The following KIF14 variants were observed in gnomAD, a reference collection of about 807,000 sequenced individuals.
KIF14 encodes kinesin family member 14.
KIF14 carries 98 observed loss-of-function variants against 176.2 expected under a neutral mutation model. The observed-to-expected ratio is 0.56, with a 90% confidence interval of 0.47 to 0.66. The LOEUF is 0.66. Among genes scored for constraint, KIF14 ranks in the 30% least tolerant of loss-of-function variants. The pLI is 0.00. For missense variants in KIF14, 1,751 were observed against 1,920.4 expected, an observed-to-expected ratio of 0.91 and a Z score of 1.65; for synonymous variants, 566 against 632.2, an observed-to-expected ratio of 0.90 and a Z score of 1.57.
chr1:200,588,885 G>A (rs112207400), intron 18 of KIF14, among the ~76,000 whole-genome samples: 5 of 152,198 alleles, frequency 3.3e-5, no homozygotes, highest in Non-Finnish European at 7.3e-5. Context: ...CAGTGTAAGA[G>A]CTGTGCCTTT....
At chr1:200,586,057 T>A in intron 19 of KIF14, 44 bp downstream of exon 19, 3 of 1,331,764 alleles carry the variant, frequency 2.3e-6, no homozygotes, top group Non-Finnish European at 2.0e-6. Context: ...ACATATAACA[T>A]GCATAATTTT....
Position 200,565,112 on chromosome 1 carries a change from T to C in KIF14, c.4028A>G (p.Gln1343Arg). ...GTAGCCTCCCAGTTTTTTAACTTCTTGTCTCAACTCATCCTCAAGTCTTGC... is the reference window on the plus strand; with the variant it reads ...GTAGCCTCCCAGTTTTTTAACTTCTCGTCTCAACTCATCCTCAAGTCTTGC... ...NIARLEDELRQEVKKLGGYLQ... is the reference protein window; with the variant it reads ...NIARLEDELRREVKKLGGYLQ... Residue 1343 changes from glutamine to arginine, a missense_variant, in exon 25 of 30, where the codon CAA becomes CGA. Coordinates refer to ENST00000367350, the MANE Select transcript of KIF14 (RefSeq NM_014875.3). 6.2e-7 allele frequency: 1 copy of C among 1,612,946 alleles called. No homozygotes were observed. The highest frequency in any genetic ancestry group is 8.5e-7 in the Non-Finnish European group (1 of 1,179,656).
chr1:200,605,259 A>G (rs1468235117), intron 8 of KIF14, 24 bp downstream of exon 8: 1 of 1,574,326 alleles, frequency 6.4e-7, no homozygotes, highest in Non-Finnish European at 8.7e-7. Context: ...ACTGAAAGAG[A>G]TCGGGAACTT....
intron 16 of KIF14, among the ~76,000 whole-genome samples, chr1:200,591,371 C>CT (rs1284928072): frequency 1.3e-5 from 2 of 152,160 alleles, no homozygotes; most frequent in African/African-American, 4.8e-5. Flanking sequence ...AGGTTTTAAG[C>CT]TTGCTCTATC....
rs1401867693 is a variant in KIF14 at position 200,603,187 on chromosome 1, A to G, written c.1979+39T>C. On this transcript the variant is annotated intron_variant, in intron 10 of 29. Transcript: ENST00000367350. ...CATTCTTTTCCCCATAGTATTCACT[A>G]TATTTTATACAATTCTTTATACTTC... The G allele has an allele frequency of 2.5e-6, 3 of 1,202,518 alleles. No individual in the cohort carries two copies. In the South Asian group the frequency reaches 3.9e-5, roughly 16 times the overall value. 74.5% of individuals were successfully genotyped at this position (1,202,518 alleles called of 1,614,324 possible). A position where few individuals can be genotyped will look rare whatever the true frequency, so the allele number is the denominator to read the frequency against.
At position 200,575,707 on chromosome 1, in the gene KIF14, T is replaced by C. The variant is rs200131140; in HGVS notation, c.3466-16A>G. The C allele has an allele frequency of 7.6e-5, 105 of 1,375,846 alleles. No homozygotes were observed. The East Asian group carries it at 2.0e-3, about 27-fold the overall frequency. The allele number at this position is 1,375,846 out of a possible 1,614,324, so 85.2% of individuals were successfully genotyped here. ...TACCATTACTCTAAGAAAAATATAA[T>C]ATATAGTTTCAGTAAATTTGGGGTG... On this transcript the variant is annotated splice_polypyrimidine_tract_variant and intron_variant, in intron 21 of 29. Coordinates refer to ENST00000367350, the MANE Select transcript of KIF14 (RefSeq NM_014875.3).
intron 14 of KIF14, among the ~76,000 whole-genome samples, chr1:200,597,729 G>C (rs1659423945): frequency 6.6e-6 from 1 of 152,114 alleles, no homozygotes; most frequent in Admixed American, 6.5e-5. Flanking sequence ...CTTTATAAGA[G>C]ATAAACTCAT....
At chr1:200,578,705 T>C (rs560443894) in intron 21 of KIF14, among the ~76,000 whole-genome samples, 6 of 152,124 alleles carry the variant, frequency 3.9e-5, no homozygotes, top group African/African-American at 1.4e-4. Flanking sequence ...AAAAAGATGA[T>C]ATAATCAGGA....
intron 18 of KIF14, among the ~76,000 whole-genome samples, chr1:200,588,868 T>A (rs187603183): frequency 6.6e-6 from 1 of 152,370 alleles, no homozygotes; most frequent in East Asian, 1.9e-4. Context: ...GACATCAGGA[T>A]GTGACCCAGT....
chr1:200,562,140 T>G (rs1157419361), intron 25 of KIF14, among the ~76,000 whole-genome samples: 1 of 152,214 alleles, frequency 6.6e-6, no homozygotes, highest in African/African-American at 2.4e-5. Flanking sequence ...CAAACCATAC[T>G]TAGTAGAAAG....
Position 200,589,671 on chromosome 1 carries a change from C to CTTTTTTTTTT in KIF14, c.2962-312_2962-303dup, listed in dbSNP as rs1204882989. 5.0e-4 allele frequency among the ~76,000 whole-genome samples: 38 copies of CTTTTTTTTTT among 76,562 alleles called. 1 individual carries two copies. Among genetic ancestry groups the CTTTTTTTTTT allele is most frequent in the South Asian group, 1.0e-3 (2 of 2,002 alleles). The allele number at this position is 76,562 out of a possible 152,430, so 50.2% of individuals were successfully genotyped here. A position where few individuals can be genotyped will look rare whatever the true frequency, so the allele number is the denominator to read the frequency against. On this transcript the variant is annotated intron_variant, in intron 17 of 29. Coordinates refer to ENST00000367350, the MANE Select transcript of KIF14 (RefSeq NM_014875.3). ...GTCTATTATCGCCACCAACTTTTTT[C>CTTTTTTTTTT]TTTTTTTTTTTTTTTTTTTTTTTTT...
At chr1:200,614,293 G>A in intron 4 of KIF14, 25 bp downstream of exon 4, 1 of 1,258,152 alleles carries the variant, frequency 7.9e-7, no homozygotes, top group Non-Finnish European at 1.2e-6. Flanking sequence ...CTGAAAAGAA[G>A]CTTGCAGGTA....
At chr1:200,560,975 A>C in intron 25 of KIF14, 95 bp from the exon 26 acceptor site, 1 of 1,175,562 alleles carries the variant, frequency 8.5e-7, no homozygotes, top group Non-Finnish European at 1.2e-6. Context: ...TCACGCCTGT[A>C]ATTCCAGCAG....
chr1:200,576,650 A>G (rs989139903), intron 21 of KIF14, among the ~76,000 whole-genome samples: 1 of 152,214 alleles, frequency 6.6e-6, no homozygotes, highest in African/African-American at 2.4e-5. Context: ...TTATTAATAC[A>G]TATAAACACA....
intron 18 of KIF14, among the ~76,000 whole-genome samples, chr1:200,588,321 A>T (rs1343609492): frequency 6.6e-6 from 1 of 151,298 alleles, no homozygotes; most frequent in Non-Finnish European, 1.5e-5. Context: ...GCTCACTGCA[A>T]CCTCTGACTC....
In KIF14 at chr1:200,618,578, T is replaced by C; in HGVS notation, c.146A>G (p.Asn49Ser). Residue 49 changes from asparagine (N) to serine (S), a missense_variant, in exon 2 of 30, where the codon AAT (asparagine) becomes AGT (serine). Coordinates refer to ENST00000367350, the MANE Select transcript of KIF14 (RefSeq NM_014875.3). ...TGCAGATCTCAATAATGGATCATCA[T>C]TTTCACATTCTGACATATCCGACTT... is the stretch of plus-strand genomic sequence containing the variant. ...HLKSDMSECENDDPLLRSAGK... is the reference protein window; with the variant it reads ...HLKSDMSECESDDPLLRSAGK... 6.2e-7 allele frequency: 1 copy of C among 1,614,170 alleles called. No individual in the cohort carries two copies. Among genetic ancestry groups the C allele is most frequent in the Non-Finnish European group, 8.5e-7 (1 of 1,180,034 alleles).
chr1:200,597,422 C>T (rs574570725), intron 14 of KIF14, among the ~76,000 whole-genome samples: 1 of 152,110 alleles, frequency 6.6e-6, no homozygotes, highest in Admixed American at 6.5e-5. Flanking sequence ...AGGCAAGTTA[C>T]AATAGTAAAC....
chr1:200,590,087 T>G (rs1284505264), intron 17 of KIF14, 38 bp downstream of exon 17: 2 of 1,577,570 alleles, frequency 1.3e-6, no homozygotes, highest in Non-Finnish European at 1.7e-6. Context: ...TGGGGTACAC[T>G]GTCGGAAAAA....
At chr1:200,590,762 C>G (rs7512524) in intron 16 of KIF14, among the ~76,000 whole-genome samples, 1 of 152,010 alleles carries the variant, frequency 6.6e-6, no homozygotes, top group East Asian at 1.9e-4. Context: ...CAGTGACTCA[C>G]GCCTGTAATC....
Sources: gnomAD v4.1 joint callset for allele counts (sites outside exome capture counted in the v4.1 genomes callset) on GRCh38, gnomAD v4.1.1 for gene constraint, MANE v1.5 for transcripts, NCBI Gene and HGNC (gene_info 2026-07-23, HGNC 2026-07-21) for gene names.